Variants in PLA2G4A observed in about 807,000 individuals in gnomAD.
The protein encoded by PLA2G4A is cytosolic phospholipase A2.
A neutral mutation model predicts 81.9 loss-of-function variants in PLA2G4A; 40 were observed. That is an observed-to-expected ratio of 0.49 (90% CI 0.38 to 0.64). PLA2G4A has a LOEUF of 0.64. Ranked by LOEUF, PLA2G4A falls within the 30% of genes least tolerant of loss-of-function variation. The probability of loss-of-function intolerance (pLI) is 0.00; values close to 1 mark genes in which losing one functional copy is unlikely to be tolerated. For synonymous variants in PLA2G4A, 302 were observed against 296.9 expected, an observed-to-expected ratio of 1.02 and a Z score of -0.18; for missense variants, 715 against 905.1, an observed-to-expected ratio of 0.79 and a Z score of 2.69.
chr1:186,872,845 C>G lies in PLA2G4A; in HGVS notation c.115+2329C>G, dbSNP rs868029410. 2.0e-5 allele frequency among the ~76,000 whole-genome samples: 3 copies of G among 152,174 alleles called. No individual in the cohort carries two copies. The South Asian group carries it at 6.2e-4, about 32-fold the overall frequency. The stretch of plus-strand genomic sequence containing the variant: ...TTAGGTTTTGGTTCCCCACAGTGTA[C>G]ATAACACAGATTAGACTCTTAATTT... On this transcript the variant is annotated intron_variant, in intron 3 of 17. Transcript: ENST00000367466.
chr1:186,913,168 ATAT>A (rs1655023845), intron 7 of PLA2G4A, among the ~76,000 whole-genome samples: 2 of 151,840 alleles, frequency 1.3e-5, no homozygotes, highest in South Asian at 4.1e-4. Context: ...TGTTTATAAT[ATAT>A]TTGTATTCTA....
chr1:186,909,019 G>T (rs1420012028), intron 6 of PLA2G4A, among the ~76,000 whole-genome samples: 2 of 120,656 alleles, frequency 1.7e-5, no homozygotes, highest in Admixed American at 1.2e-4. Context: ...TGTCACCCAG[G>T]CTGGAGTGCA....
intron 3 of PLA2G4A, among the ~76,000 whole-genome samples, chr1:186,872,878 T>C (rs1653332602): frequency 6.6e-6 from 1 of 152,098 alleles, no homozygotes; most frequent in South Asian, 2.1e-4. Context: ...TTTTAGAAGC[T>C]TCCTTTTTAA....
chr1:186,986,696 C>A (rs1657901546), intron 17 of PLA2G4A, among the ~76,000 whole-genome samples: 1 of 152,098 alleles, frequency 6.6e-6, no homozygotes, highest in Admixed American at 6.5e-5. Flanking sequence ...AGGTATTGTG[C>A]CAAGCACTTT....
At chr1:186,966,365 G>A (rs12720668) in intron 15 of PLA2G4A, among the ~76,000 whole-genome samples, 11 of 152,084 alleles carry the variant, frequency 7.2e-5, no homozygotes, top group Non-Finnish European at 1.0e-4. Context: ...GTAGGGATGG[G>A]AAGTGGGAAA....
rs780664764 is a variant in PLA2G4A, at chr1:186,979,463, C to A, written c.2109C>A (p.Asn703Lys). 1.3e-6 allele frequency: 2 copies of A among 1,590,424 alleles called. No individual in the cohort carries two copies. The highest frequency in any genetic ancestry group is 1.7e-6 in the Non-Finnish European group (2 of 1,158,464). Residue 703 changes from asparagine (N) to lysine (K), a missense_variant, in exon 17 of 18, where the codon AAC becomes AAA. Asn to Lys is a moderately conservative substitution (Grantham distance 94). Transcript: ENST00000367466. ...LHDLMHFNTLNNIDVIKEAMV... is the reference protein window; with the variant it reads ...LHDLMHFNTLKNIDVIKEAMV... ...ATCTTATGCACTTCAATACTCTGAA[C>A]AACATTGATGTAAGTATCTCCTATG...
chr1:186,896,580 C>T (rs776158026), intron 5 of PLA2G4A, among the ~76,000 whole-genome samples: 1 of 152,162 alleles, frequency 6.6e-6, no homozygotes, highest in African/African-American at 2.4e-5. Flanking sequence ...TCTTTCTTCA[C>T]TTTAGTTCAT....
At chr1:186,965,680 T>A in intron 15 of PLA2G4A, 87 bp downstream of exon 15, 1 of 918,642 alleles carries the variant, frequency 1.1e-6, no homozygotes, top group Non-Finnish European at 1.8e-6. Context: ...CTCCAGTTTC[T>A]TATTCCTTTA....
chr1:186,883,107 T>C (rs568231744), intron 3 of PLA2G4A, among the ~76,000 whole-genome samples: 2 of 152,174 alleles, frequency 1.3e-5, no homozygotes, highest in East Asian at 3.9e-4. Context: ...CAAGGTATTT[T>C]TGAGGCATTT....
chr1:186,839,895 C>T (rs937159792), intron 1 of PLA2G4A, among the ~76,000 whole-genome samples: 6 of 150,898 alleles, frequency 4.0e-5, no homozygotes, highest in South Asian at 2.1e-4. Context: ...AACACTCCAA[C>T]GCACACATAA....
chr1:186,917,043 C>T (rs547944093), intron 7 of PLA2G4A, among the ~76,000 whole-genome samples: 2 of 152,212 alleles, frequency 1.3e-5, no homozygotes, highest in South Asian at 2.1e-4. Context: ...CAGGTTTCAG[C>T]GGCTGCAGGT....
intron 7 of PLA2G4A, among the ~76,000 whole-genome samples, chr1:186,916,247 C>CT (rs1286261514): frequency 2.0e-5 from 3 of 152,140 alleles, no homozygotes; most frequent in African/African-American, 4.8e-5. Flanking sequence ...ACACGCTCCC[C>CT]TTTTTTCCAG....
chr1:186,986,325 G>A (rs547336693), intron 17 of PLA2G4A, among the ~76,000 whole-genome samples: 207 of 152,240 alleles, frequency 1.4e-3, no homozygotes, highest in Non-Finnish European at 2.3e-3. Flanking sequence ...TTATTTTAAA[G>A]CTTTTTAGGT....
At chr1:186,981,715 A>G (rs903266614) in intron 17 of PLA2G4A, among the ~76,000 whole-genome samples, 5 of 152,168 alleles carry the variant, frequency 3.3e-5, no homozygotes, top group African/African-American at 7.2e-5. Context: ...ACCATTAACT[A>G]GTAAGTCCCC....
Position 186,874,489 on chromosome 1 carries a change from A to G in PLA2G4A, c.115+3973A>G, listed in dbSNP as rs566472746. Among the ~76,000 whole-genome samples, 7 of 152,240 alleles carry G rather than the reference A, an allele frequency of 4.6e-5. No homozygotes were observed. In the South Asian group the frequency reaches 1.5e-3, roughly 32 times the overall value. ...GCTATGAGATTAGATAAGAAATGCC[A>G]TAGTGTTTTTTAAGTGATTAAATAC... On this transcript the variant is annotated intron_variant, in intron 3 of 17. Transcript: ENST00000367466.
At chr1:186,948,064 C>T (rs1402273794) in intron 12 of PLA2G4A, among the ~76,000 whole-genome samples, 1 of 152,054 alleles carries the variant, frequency 6.6e-6, no homozygotes, top group African/African-American at 2.4e-5. Flanking sequence ...TTCCACTGCT[C>T]CTACAATTGA....
At chr1:186,879,792 T>A (rs1359992645) in intron 3 of PLA2G4A, among the ~76,000 whole-genome samples, 2 of 150,662 alleles carry the variant, frequency 1.3e-5, no homozygotes, top group Non-Finnish European at 3.0e-5. Context: ...GTACTGTCTT[T>A]ATTTTAATTT....
At chr1:186,845,366 G>A (rs1433631543) in intron 1 of PLA2G4A, among the ~76,000 whole-genome samples, 1 of 152,002 alleles carries the variant, frequency 6.6e-6, no homozygotes, top group Non-Finnish European at 1.5e-5. Flanking sequence ...TACTGTGCTT[G>A]GTGATTTACA....
intron 7 of PLA2G4A, among the ~76,000 whole-genome samples, chr1:186,918,124 G>A (rs1400616348): frequency 6.6e-6 from 1 of 152,142 alleles, no homozygotes; most frequent in Admixed American, 6.5e-5. Context: ...CTTAGAATAG[G>A]TATGTACCAG....
Sources: allele counts gnomAD v4.1 joint callset (sites outside exome capture counted in the v4.1 genomes callset), GRCh38; gene constraint gnomAD v4.1.1; transcripts MANE v1.5; gene names NCBI Gene and HGNC (gene_info 2026-07-23, HGNC 2026-07-21).